Variants in WNK3 observed in about 807,000 individuals in gnomAD.
WNK3 encodes WNK lysine deficient protein kinase 3, also known as serine/threonine-protein kinase WNK3.
Under a neutral mutation model 116.7 loss-of-function variants are expected in WNK3, and 18 were observed. The ratio of observed to expected loss-of-function variants is 0.15; its 90% CI spans 0.11 to 0.23. The LOEUF (loss-of-function observed/expected upper bound fraction) is 0.23. WNK3 is among the 10% of genes least tolerant of loss of function. The probability of loss-of-function intolerance (pLI) is 1.00; values close to 1 mark genes in which losing one functional copy is unlikely to be tolerated. For missense variants in WNK3, 993 were observed against 1,323.8 expected (o/e 0.75, Z 3.88); for synonymous variants, 404 against 469.4 (o/e 0.86, Z 1.80).
At chrX:54,254,206 C>T in intron 12 of WNK3, 131 bp from the exon 13 acceptor site, 1 of 413,598 alleles carries the variant, frequency 2.4e-6, no homozygotes, top group Non-Finnish European at 4.3e-6. Context: ...AATGTTTTCC[C>T]TTGGTGGAAT....
intron 4 of WNK3, among the ~76,000 whole-genome samples, chrX:54,308,429 A>G (rs1183610994): frequency 9.0e-6 from 1 of 110,851 alleles, no homozygotes; most frequent in African/African-American, 3.3e-5. Flanking sequence ...TGACCTCGTG[A>G]TCCACCCGCC....
intron 19 of WNK3, among the ~76,000 whole-genome samples, chrX:54,237,950 G>C (rs1272452028): frequency 9.0e-6 from 1 of 111,263 alleles, no homozygotes; most frequent in Non-Finnish European, 1.9e-5. Context: ...AAGTATCATC[G>C]GCCAGGCATG....
At chrX:54,295,204 CTTT>C (rs74314292) in intron 7 of WNK3, among the ~76,000 whole-genome samples, 1 of 102,268 alleles carries the variant, frequency 9.8e-6, no homozygotes. Flanking sequence ...CCAATTTTAA[CTTT>C]TTTTTTTTTT....
At chrX:54,292,819 G>C in intron 10 of WNK3, 69 bp downstream of exon 10, 3 of 1,047,003 alleles carry the variant, frequency 2.9e-6, no homozygotes, top group Non-Finnish European at 3.9e-6. Flanking sequence ...GAGAACTTTT[G>C]CCTGTCAGAA....
chrX:54,333,635 A>G, exon 2 of WNK3: 1 of 1,202,824 alleles, frequency 8.3e-7, no homozygotes, highest in Non-Finnish European at 1.1e-6. Context: ...GTTTCTCAGA[A>G]TCTTCTGTGC....
At chrX:54,251,248 A>G (rs2068126062) in intron 15 of WNK3, 151 bp downstream of exon 15, 2 of 440,975 alleles carry the variant, frequency 4.5e-6, no homozygotes, top group African/African-American at 4.9e-5. Flanking sequence ...ATGGATTATT[A>G]CCTTTGGGCC....
At chrX:54,271,136 G>A (rs1447386355) in intron 10 of WNK3, among the ~76,000 whole-genome samples, 1 of 111,615 alleles carries the variant, frequency 9.0e-6, no homozygotes, top group Non-Finnish European at 1.9e-5. Context: ...TATAAAAGAT[G>A]TATGCCATAC....
At chrX:54,239,666 G>A (rs2068002436) in intron 17 of WNK3, among the ~76,000 whole-genome samples, 1 of 111,231 alleles carries the variant, frequency 9.0e-6, no homozygotes, top group African/African-American at 3.3e-5. Flanking sequence ...AATTTATAAA[G>A]GACATCAAAA....
intron 10 of WNK3, among the ~76,000 whole-genome samples, chrX:54,280,390 CA>C (rs2068502123): frequency 9.0e-6 from 1 of 110,646 alleles, no homozygotes; most frequent in South Asian, 3.7e-4. Context: ...ACAGAATCTA[CA>C]AAAAAACTAT....
At position 54,314,211 on chromosome X, in the gene WNK3, A is replaced by C. The variant is rs187822335; in HGVS notation, c.538-2920T>G. Among the ~76,000 whole-genome samples, 544 of 108,422 alleles carry C rather than the reference A, an allele frequency of 5.0e-3. 3 individuals are homozygous for C. The highest frequency in any genetic ancestry group is 0.017 in the African/African-American group (502 of 29,917). 94.2% of individuals were successfully genotyped at this position (108,422 alleles called of 115,157 possible). ...CTGTCTCAAAAAAAAAAACAAAAAA[A>C]AAAAAAACAAAACACATTGCCACTC... On this transcript the variant is annotated intron_variant, in intron 2 of 23. Coordinates refer to ENST00000354646, the Ensembl canonical transcript of WNK3.
chrX:54,260,860 T>C (rs1263749689), intron 10 of WNK3, among the ~76,000 whole-genome samples: 2 of 108,517 alleles, frequency 1.8e-5, no homozygotes, highest in African/African-American at 3.3e-5. Flanking sequence ...TAGCTGGCAC[T>C]ACAGGCGCGT....
chrX:54,349,207 G>A (rs1217386290), intron 1 of WNK3, among the ~76,000 whole-genome samples: 3 of 111,249 alleles, frequency 2.7e-5, no homozygotes, highest in African/African-American at 3.3e-5. Flanking sequence ...GCATGGTGGC[G>A]CACGCCTGCA....
intron 10 of WNK3, among the ~76,000 whole-genome samples, chrX:54,267,644 G>T (rs1473078743): frequency 9.1e-6 from 1 of 109,687 alleles, no homozygotes; most frequent in African/African-American, 3.3e-5. Flanking sequence ...AAATTAGGCG[G>T]GCATGGTGGT....
chrX:54,227,928 T>C (rs1701390518), intron 22 of WNK3, among the ~76,000 whole-genome samples: 1 of 111,973 alleles, frequency 8.9e-6, no homozygotes, highest in Non-Finnish European at 1.9e-5. Flanking sequence ...GTCTTGCTTG[T>C]TGCCCAGGCT....
At chrX:54,303,510 C>T (rs190714585) in intron 5 of WNK3, among the ~76,000 whole-genome samples, 30 of 111,273 alleles carry the variant, frequency 2.7e-4, no homozygotes, top group Admixed American at 5.8e-4. Context: ...TCTACTTCTA[C>T]GCCTGTCATG....
intron 1 of WNK3, among the ~76,000 whole-genome samples, chrX:54,356,350 G>A (rs950087018): frequency 4.5e-5 from 5 of 111,272 alleles, no homozygotes; most frequent in South Asian, 3.8e-4. Flanking sequence ...TCGCTCTGTC[G>A]CCCAGGCTAG....
chrX:54,249,538 T>C, exon 17 of WNK3: 1 of 1,211,728 alleles, frequency 8.3e-7, no homozygotes, highest in Non-Finnish European at 1.1e-6. Context: ...ATCCTTGTGT[T>C]CTGATTTGGA....
chrX:54,248,732 C>T, exon 17 of WNK3: 1 of 1,211,074 alleles, frequency 8.3e-7, no homozygotes, highest in Non-Finnish European at 1.1e-6. Flanking sequence ...GAAGTTATCA[C>T]ATTCAGGTCC....
chrX:54,239,106 G>GAAACA lies in WNK3; in HGVS notation c.3652-8_3652-7insTGTTT. ...AAGCATCTGAGGACATCTCCTAATGGAGACAAAACAAAACAAAACAAAACA... is the reference window on the plus strand; with the variant it reads ...AAGCATCTGAGGACATCTCCTAATGGAAACAAGACAAAACAAAACAAAACAAAACA... On this transcript the variant is annotated splice_polypyrimidine_tract_variant and splice_region_variant and intron_variant, in intron 17 of 23. Transcript: ENST00000354646. 1.1e-6 allele frequency: 1 copy of GAAACA among 939,201 alleles called. No individual in the cohort carries two copies. The highest frequency in any genetic ancestry group is 3.2e-5 in the South Asian group (1 of 31,482). 77.4% of individuals were successfully genotyped at this position (939,201 alleles called of 1,213,427 possible).
Sources: allele counts gnomAD v4.1 joint callset (sites outside exome capture counted in the v4.1 genomes callset), GRCh38; gene constraint gnomAD v4.1.1; transcripts MANE v1.5; gene names NCBI Gene and HGNC (gene_info 2026-07-23, HGNC 2026-07-21).